SUPT3H: variants seen among roughly 807,000 people sequenced by gnomAD.
SUPT3H encodes transcription initiation protein SPT3 homolog.
Under a neutral mutation model 44.3 loss-of-function variants are expected in SUPT3H, and 44 were observed. The observed-to-expected ratio is 0.99, with a 90% CI of 0.78 to 1.28. The LOEUF (loss-of-function observed/expected upper bound fraction) is 1.28, where lower values mean the gene tolerates loss of function less well. SUPT3H is among the 50% of genes most tolerant of loss of function. SUPT3H has a pLI of 0.00. For missense variants in SUPT3H, 380 were observed against 387.1 expected (o/e 0.98, Z 0.15); for synonymous variants, 124 against 125.6 (o/e 0.99, Z 0.09).
At chr6:44,996,755 T>C (rs963900665) in intron 6 of SUPT3H, among the ~76,000 whole-genome samples, 31 of 151,910 alleles carry the variant, frequency 2.0e-4, no homozygotes, top group African/African-American at 7.0e-4. Flanking sequence ...AGTCCTTCCA[T>C]ATTACCTGTG....
At chr6:44,900,193 C>T (rs757338146) in intron 10 of SUPT3H, among the ~76,000 whole-genome samples, 11 of 152,256 alleles carry the variant, frequency 7.2e-5, no homozygotes, top group South Asian at 2.1e-4. Flanking sequence ...GTGGGTGCAG[C>T]GCACCGAGCG....
Position 44,953,429 on chromosome 6 carries a change from G to A in SUPT3H, c.694-12C>T. The A allele has an allele frequency of 6.2e-7, 1 of 1,607,442 alleles. No individual in the cohort carries two copies. Among genetic ancestry groups the A allele is most frequent in the Non-Finnish European group, 8.5e-7 (1 of 1,174,116 alleles). On this transcript the variant is annotated splice_polypyrimidine_tract_variant and intron_variant, in intron 8 of 10. Transcript: ENST00000371459. Reference sequence around the variant, plus strand: ...GCCAGATCCACTAACTAGAAGACCAGAAGAATGAAAGTCACATAGCTAGAA... The same window carrying A: ...GCCAGATCCACTAACTAGAAGACCAAAAGAATGAAAGTCACATAGCTAGAA...
chr6:45,297,116 C>T (rs1455365632), intron 2 of SUPT3H, among the ~76,000 whole-genome samples: 3 of 151,124 alleles, frequency 2.0e-5, no homozygotes, highest in African/African-American at 4.9e-5. Flanking sequence ...TGTGCTTCAT[C>T]CCCCATTACA....
At chr6:45,154,513 A>T (rs1218173168) in intron 2 of SUPT3H, among the ~76,000 whole-genome samples, 1 of 152,178 alleles carries the variant, frequency 6.6e-6, no homozygotes, top group Non-Finnish European at 1.5e-5. Context: ...ATGCTCACAT[A>T]GACTTTTCAT....
intron 2 of SUPT3H, among the ~76,000 whole-genome samples, chr6:45,324,131 GA>G (rs1785976208): frequency 6.6e-6 from 1 of 151,810 alleles, no homozygotes; most frequent in Admixed American, 6.6e-5. Context: ...TTACAAAAAT[GA>G]CAGCATTCAA....
chr6:44,826,696 T>G (rs1227275836), downstream of SUPT3H, among the ~76,000 whole-genome samples: 1 of 152,216 alleles, frequency 6.6e-6, no homozygotes, highest in Non-Finnish European at 1.5e-5. Flanking sequence ...AAAATTAAAC[T>G]TTATAATTAA....
intron 3 of SUPT3H, among the ~76,000 whole-genome samples, chr6:45,054,578 C>G (rs1790819350): frequency 6.6e-6 from 1 of 151,964 alleles, no homozygotes; most frequent in African/African-American, 2.4e-5. Flanking sequence ...TCTTTTAATA[C>G]AAATATCTCA....
chr6:45,129,911 C>T (rs931558592), intron 2 of SUPT3H, among the ~76,000 whole-genome samples: 2 of 151,916 alleles, frequency 1.3e-5, no homozygotes, highest in African/African-American at 4.8e-5. Context: ...AAAACACACA[C>T]AAAAAAGGCA....
chr6:44,894,311 G>A (rs904330490), intron 10 of SUPT3H, among the ~76,000 whole-genome samples: 1 of 151,860 alleles, frequency 6.6e-6, no homozygotes, highest in African/African-American at 2.4e-5. Flanking sequence ...CCTATGTCCT[G>A]AATGGTAATG....
At chr6:45,296,588 A>C (rs1781265441) in intron 2 of SUPT3H, among the ~76,000 whole-genome samples, 1 of 151,618 alleles carries the variant, frequency 6.6e-6, no homozygotes, top group Non-Finnish European at 1.5e-5. Flanking sequence ...AAAATATAAA[A>C]ATTAGCGAGG....
At chr6:45,346,278 T>G (rs1367573271) in intron 2 of SUPT3H, among the ~76,000 whole-genome samples, 4 of 152,022 alleles carry the variant, frequency 2.6e-5, no homozygotes, top group Non-Finnish European at 4.4e-5. Context: ...AATTGCAAAA[T>G]CCATTGTTCA....
intron 10 of SUPT3H, chr6:44,898,912 A>G (rs997505669): frequency 2.0e-5 from 3 of 152,248 alleles, no homozygotes; most frequent in Admixed American, 6.5e-5. Flanking sequence ...GGCAACTGAC[A>G]GTTTTTTTTA....
intron 2 of SUPT3H, among the ~76,000 whole-genome samples, chr6:45,263,684 T>C (rs1774774826): frequency 6.6e-6 from 1 of 152,024 alleles, no homozygotes; most frequent in Non-Finnish European, 1.5e-5. Context: ...AATGAACAAA[T>C]GTAAAAAACG....
chr6:44,857,280 A>T (rs1436829152), intron 10 of SUPT3H, among the ~76,000 whole-genome samples: 1 of 152,246 alleles, frequency 6.6e-6, no homozygotes, highest in African/African-American at 2.4e-5. Context: ...TAATGGACAC[A>T]TAAGTTTTAT....
chr6:44,817,039 CTA>C (rs1766960528), intron 11 of SUPT3H, among the ~76,000 whole-genome samples: 1 of 152,004 alleles, frequency 6.6e-6, no homozygotes, highest in Non-Finnish European at 1.5e-5. Flanking sequence ...CCAGCTTGGA[CTA>C]CAGAGTGAGA....
At chr6:44,964,665 CTTT>C (rs944458721) in intron 6 of SUPT3H, among the ~76,000 whole-genome samples, 14 of 152,100 alleles carry the variant, frequency 9.2e-5, no homozygotes, top group African/African-American at 3.4e-4. Context: ...CATCCTAGTT[CTTT>C]TTTAATTCCT....
chr6:44,925,950 T>C lies in SUPT3H; in HGVS notation c.912+6703A>G, dbSNP rs1769449826. 3.9e-5 allele frequency among the ~76,000 whole-genome samples: 6 copies of C among 152,310 alleles called. No individual in the cohort carries two copies. In the South Asian group the frequency reaches 1.2e-3, roughly 32 times the overall value. ...TGGGACAATTCATTTAAACCTTTGTTACACCCATTTTTAGACCCTGAGGCC... is the reference window on the plus strand; with the variant it reads ...TGGGACAATTCATTTAAACCTTTGTCACACCCATTTTTAGACCCTGAGGCC... On this transcript the variant is annotated intron_variant, in intron 10 of 10. Coordinates refer to ENST00000371459, the MANE Select transcript of SUPT3H (RefSeq NM_003599.4).
rs182422765 is a variant in SUPT3H, at chr6:45,119,682, G to C, written c.102-13676C>G. 2.0e-5 allele frequency among the ~76,000 whole-genome samples: 3 copies of C among 152,272 alleles called. No individual in the cohort carries two copies. The East Asian group carries it at 5.8e-4, about 29-fold the overall frequency. The stretch of plus-strand genomic sequence containing the variant: ...TGGACCAAATAAAGAGTGGAATTAG[G>C]TTATGCAGTAAAAGATGCCAGGGCA... On this transcript the variant is annotated intron_variant, in intron 2 of 10. Transcript: ENST00000371459.
intron 2 of SUPT3H, among the ~76,000 whole-genome samples, chr6:45,127,019 T>C (rs1229923509): frequency 2.6e-5 from 4 of 152,090 alleles, no homozygotes; most frequent in African/African-American, 7.2e-5. Flanking sequence ...TTATTAATAA[T>C]AAAAAATAAC....
Sources: gnomAD v4.1 joint callset for allele counts (sites outside exome capture counted in the v4.1 genomes callset) on GRCh38, gnomAD v4.1.1 for gene constraint, MANE v1.5 for transcripts, NCBI Gene and HGNC (gene_info 2026-07-23, HGNC 2026-07-21) for gene names.